NKAIN2: variants seen among roughly 807,000 people sequenced by gnomAD.
NKAIN2 encodes the protein sodium/potassium transporting ATPase interacting 2, also known as sodium/potassium-transporting ATPase subunit beta-1-interacting protein 2.
NKAIN2 carries 14 observed loss-of-function variants against 32.6 expected under a neutral mutation model. That is an observed-to-expected ratio of 0.43 (90% CI 0.28 to 0.67). The LOEUF is 0.67. Among genes scored for constraint, NKAIN2 ranks in the 30% least tolerant of loss-of-function variants. NKAIN2 has a pLI of 0.17. For missense variants in NKAIN2, 198 were observed against 258.3 expected, an observed-to-expected ratio of 0.77 and a Z score of 1.60; for synonymous variants, 80 against 87.2, an observed-to-expected ratio of 0.92 and a Z score of 0.46.
At chr6:124,615,530 C>G (rs1201880728) in intron 3 of NKAIN2, among the ~76,000 whole-genome samples, 1 of 152,088 alleles carries the variant, frequency 6.6e-6, no homozygotes, top group Non-Finnish European at 1.5e-5. Context: ...AAACAAGCAA[C>G]CAAAATCAGT....
intron 1 of NKAIN2, among the ~76,000 whole-genome samples, chr6:124,198,786 T>C (rs1285232312): frequency 2.0e-5 from 3 of 152,122 alleles, no homozygotes; most frequent in African/African-American, 7.2e-5. Flanking sequence ...TCTTTGGCAG[T>C]TGAGACAGTT....
At chr6:124,489,402 C>T (rs949722441) in intron 3 of NKAIN2, among the ~76,000 whole-genome samples, 11 of 151,856 alleles carry the variant, frequency 7.2e-5, no homozygotes, top group African/African-American at 2.4e-4. Flanking sequence ...CCTTCCTTGT[C>T]TAATTCACTT....
chr6:124,022,261 A>G (rs1780901917), intron 1 of NKAIN2, among the ~76,000 whole-genome samples: 1 of 152,150 alleles, frequency 6.6e-6, no homozygotes, highest in Non-Finnish European at 1.5e-5. Flanking sequence ...TCCATGGTGT[A>G]TATGTGCCAC....
At chr6:123,844,268 C>T (rs1467658960) in intron 1 of NKAIN2, among the ~76,000 whole-genome samples, 2 of 152,172 alleles carry the variant, frequency 1.3e-5, no homozygotes, top group Non-Finnish European at 2.9e-5. Flanking sequence ...CAGAGGGAAC[C>T]AGACGTACAG....
At chr6:124,665,129 C>A (rs954365876) in intron 4 of NKAIN2, among the ~76,000 whole-genome samples, 2 of 151,956 alleles carry the variant, frequency 1.3e-5, no homozygotes, top group East Asian at 3.9e-4. Flanking sequence ...TATTAAAAAT[C>A]TGAATAGCAT....
chr6:124,549,564 A>G (rs1269417683), intron 3 of NKAIN2, among the ~76,000 whole-genome samples: 3 of 152,202 alleles, frequency 2.0e-5, no homozygotes, highest in Non-Finnish European at 4.4e-5. Context: ...AATAGAGCAC[A>G]GAACTTATTC....
chr6:124,481,844 G>A (rs1356714390), intron 3 of NKAIN2, among the ~76,000 whole-genome samples: 3 of 151,072 alleles, frequency 2.0e-5, no homozygotes, highest in Admixed American at 2.0e-4. Flanking sequence ...TTTCCTAAGG[G>A]GCAAAAAACG....
At chr6:124,291,412 A>G (rs1795810095) in intron 2 of NKAIN2, among the ~76,000 whole-genome samples, 1 of 151,982 alleles carries the variant, frequency 6.6e-6, no homozygotes. Flanking sequence ...AATCATATTC[A>G]ATGTATGGCA....
At chr6:124,810,692 G>A (rs903028563) in intron 5 of NKAIN2, among the ~76,000 whole-genome samples, 1 of 151,736 alleles carries the variant, frequency 6.6e-6, no homozygotes, top group East Asian at 1.9e-4. Flanking sequence ...TCTGATACAA[G>A]TAAGAAGCAA....
chr6:124,064,286 A>G (rs968168126), intron 1 of NKAIN2, among the ~76,000 whole-genome samples: 13 of 152,124 alleles, frequency 8.5e-5, no homozygotes, highest in African/African-American at 2.9e-4. Flanking sequence ...GTAATATTTT[A>G]AATACTTTTC....
intron 3 of NKAIN2, among the ~76,000 whole-genome samples, chr6:124,550,880 G>A (rs1179854278): frequency 1.3e-5 from 2 of 152,202 alleles, no homozygotes; most frequent in Non-Finnish European, 2.9e-5. Flanking sequence ...TGTTGTTAAT[G>A]AGTGTTAGTC....
At chr6:123,987,282 A>G (rs1245993400) in intron 1 of NKAIN2, among the ~76,000 whole-genome samples, 2 of 152,202 alleles carry the variant, frequency 1.3e-5, no homozygotes, top group East Asian at 1.9e-4. Flanking sequence ...TTCACAGTAG[A>G]AAGCCAAAAA....
intron 3 of NKAIN2, among the ~76,000 whole-genome samples, chr6:124,503,066 T>A (rs1778354597): frequency 6.6e-6 from 1 of 152,214 alleles, no homozygotes; most frequent in African/African-American, 2.4e-5. Context: ...TGATGTTTAA[T>A]CTTTGTATCC....
chr6:124,805,444 A>C (rs1179937859), intron 5 of NKAIN2, among the ~76,000 whole-genome samples: 1 of 152,218 alleles, frequency 6.6e-6, no homozygotes, highest in East Asian at 1.9e-4. Context: ...GTCTGTTAGA[A>C]GGAAAACTAA....
intron 6 of NKAIN2, among the ~76,000 whole-genome samples, 175 bp from the exon 7 acceptor site, chr6:124,823,045 C>A (rs1002411467): frequency 6.6e-6 from 1 of 152,158 alleles, no homozygotes; most frequent in African/African-American, 2.4e-5. Flanking sequence ...TCTATCCCTG[C>A]AATTGCCATG....
chr6:123,969,077 G>C (rs571352054), intron 1 of NKAIN2, among the ~76,000 whole-genome samples: 3 of 152,106 alleles, frequency 2.0e-5, no homozygotes, highest in Admixed American at 6.5e-5. Flanking sequence ...GGAGGTATAG[G>C]TCCCACCACT....
chr6:124,697,280 A>C (rs893678755), intron 4 of NKAIN2, among the ~76,000 whole-genome samples: 1 of 152,186 alleles, frequency 6.6e-6, no homozygotes, highest in Non-Finnish European at 1.5e-5. Context: ...TGTAGGAATC[A>C]GAAGAAGAAG....
chr6:123,902,565 A>G (rs772799951), intron 1 of NKAIN2, among the ~76,000 whole-genome samples: 1 of 152,184 alleles, frequency 6.6e-6, no homozygotes, highest in Non-Finnish European at 1.5e-5. Flanking sequence ...CGTGCAATTA[A>G]TCCTAATTAA....
intron 3 of NKAIN2, among the ~76,000 whole-genome samples, chr6:124,543,696 A>G (rs1465887845): frequency 6.6e-6 from 1 of 152,182 alleles, no homozygotes; most frequent in Non-Finnish European, 1.5e-5. Flanking sequence ...ATAAGAGAAT[A>G]TGATTGTGGG....
Sources: gnomAD v4.1 joint callset for allele counts (sites outside exome capture counted in the v4.1 genomes callset) on GRCh38, gnomAD v4.1.1 for gene constraint, MANE v1.5 for transcripts, NCBI Gene and HGNC (gene_info 2026-07-23, HGNC 2026-07-21) for gene names.